The following PIP5K1B variants were observed in gnomAD, a reference collection of about 807,000 sequenced individuals.
The protein encoded by PIP5K1B is phosphatidylinositol-4-phosphate 5-kinase type 1 beta.
Under a neutral mutation model 67.0 loss-of-function variants are expected in PIP5K1B, and 42 were observed. The ratio of observed to expected loss-of-function variants is 0.63; its 90% confidence interval spans 0.49 to 0.81. The LOEUF (loss-of-function observed/expected upper bound fraction) is 0.81. Ranked by LOEUF, PIP5K1B falls within the 30% of genes least tolerant of loss-of-function variation. The pLI is 0.00. For synonymous variants in PIP5K1B, 214 were observed against 231.4 expected (o/e 0.92, Z 0.68); for missense variants, 459 against 646.3 (o/e 0.71, Z 3.14).
intron 14 of PIP5K1B, among the ~76,000 whole-genome samples, chr9:68,973,368 A>G (rs938519835): frequency 2.0e-5 from 3 of 152,376 alleles, no homozygotes; most frequent in East Asian, 3.9e-4. Flanking sequence ...AGCCATTAAG[A>G]AATTTTATGT....
chr9:68,799,858 A>G (rs1832504901), intron 2 of PIP5K1B, among the ~76,000 whole-genome samples: 1 of 152,232 alleles, frequency 6.6e-6, no homozygotes, highest in Non-Finnish European at 1.5e-5. Flanking sequence ...CCAAAATCAC[A>G]GGCAACAAGA....
At chr9:68,738,701 G>C (rs1012192092) in intron 1 of PIP5K1B, among the ~76,000 whole-genome samples, 1 of 152,130 alleles carries the variant, frequency 6.6e-6, no homozygotes, top group Admixed American at 6.5e-5. Flanking sequence ...CTTTTAAATG[G>C]ACCCTTCCAC....
intron 14 of PIP5K1B, among the ~76,000 whole-genome samples, chr9:68,955,672 G>A (rs1255998229): frequency 6.6e-6 from 1 of 152,198 alleles, no homozygotes; most frequent in African/African-American, 2.4e-5. Context: ...CTGAGAGCTG[G>A]CCTCGGGTTA....
rs777496840 is a variant in PIP5K1B at position 68,917,729 on chromosome 9, G to GAGATGGGA, written c.954_961dup (p.Ile321LysfsTer4). 2 of 1,614,092 alleles carry GAGATGGGA rather than the reference G, an allele frequency of 1.2e-6. No homozygotes were observed. The highest frequency in any genetic ancestry group is 3.3e-5 in the Admixed American group (2 of 60,016). On this transcript the variant is annotated frameshift_variant, in exon 9 of 16. Coordinates refer to ENST00000265382, the MANE Select transcript of PIP5K1B (RefSeq NM_003558.4). LOFTEE classifies it high-confidence loss of function. ...TCTATCCAGGGTCCAGGGAAATCTGGAGATGGGATAATCACAGAGAACCCA... is the reference window on the plus strand; with the variant it reads ...TCTATCCAGGGTCCAGGGAAATCTGGAGATGGGAAGATGGGATAATCACAGAGAACCCA...
chr9:68,814,370 C>T (rs1461078185), intron 2 of PIP5K1B, among the ~76,000 whole-genome samples: 1 of 152,072 alleles, frequency 6.6e-6, no homozygotes, highest in Non-Finnish European at 1.5e-5. Context: ...ATAGTAACAA[C>T]AAATGTAATT....
At chr9:68,967,608 C>T (rs1829103575) in intron 14 of PIP5K1B, among the ~76,000 whole-genome samples, 1 of 152,170 alleles carries the variant, frequency 6.6e-6, no homozygotes, top group Admixed American at 6.5e-5. Flanking sequence ...TTTATCGAGC[C>T]TCTACCCTCT....
chr9:68,718,517 A>C (rs1827734356), intron 1 of PIP5K1B, among the ~76,000 whole-genome samples: 1 of 152,190 alleles, frequency 6.6e-6, no homozygotes, highest in Non-Finnish European at 1.5e-5. Flanking sequence ...TGAAGCACAA[A>C]ATTGAAGGGG....
chr9:68,769,868 T>C (rs1346185879), intron 2 of PIP5K1B, among the ~76,000 whole-genome samples: 1 of 152,242 alleles, frequency 6.6e-6, no homozygotes, highest in African/African-American at 2.4e-5. Flanking sequence ...GGCACCCAGT[T>C]GGAACTTGAA....
chr9:68,855,512 A>G (rs1447948490), intron 4 of PIP5K1B, among the ~76,000 whole-genome samples: 1 of 152,232 alleles, frequency 6.6e-6, no homozygotes, highest in African/African-American at 2.4e-5. Flanking sequence ...GCTCCAAAAT[A>G]GGTACCATCT....
At position 68,948,310 on chromosome 9, in the gene PIP5K1B, C is replaced by T. The variant is rs62569166; in HGVS notation, c.1502+7520C>T. 7.7e-3 allele frequency among the ~76,000 whole-genome samples: 1,172 copies of T among 152,284 alleles called. 4 individuals are homozygous for T. The highest frequency in any genetic ancestry group is 0.02 in the South Asian group (98 of 4,826). ...AACCTGAGTGGTGTCACATCTCTCT[C>T]CAGTTGTGGCTGAGGCACATGCTGA... is the stretch of plus-strand genomic sequence containing the variant. On this transcript the variant is annotated intron_variant, in intron 14 of 15. Coordinates refer to ENST00000265382, the MANE Select transcript of PIP5K1B (RefSeq NM_003558.4).
At chr9:68,711,096 G>A (rs923053200) in intron 1 of PIP5K1B, among the ~76,000 whole-genome samples, 5 of 152,176 alleles carry the variant, frequency 3.3e-5, no homozygotes, top group South Asian at 2.1e-4. Flanking sequence ...AAGAGAAAAG[G>A]TGATATTTAA....
chr9:68,726,958 T>C lies in PIP5K1B; in HGVS notation c.-242-15543T>C, dbSNP rs548758640. Among the ~76,000 whole-genome samples, 26 of 152,262 alleles carry C rather than the reference T, an allele frequency of 1.7e-4. No individual in the cohort carries two copies. The South Asian group carries it at 4.8e-3, about 28-fold the overall frequency. ...TGATTTTTGGTAAGGTGCTAAACTC[T>C]TGTATTGATTCTAGTAAAGTTGTTG... is the stretch of plus-strand genomic sequence containing the variant. On this transcript the variant is annotated intron_variant, in intron 1 of 15. Transcript: ENST00000265382.
chr9:68,925,795 A>ATTTTTTTTTTTTTTC (rs1554739082), intron 12 of PIP5K1B, among the ~76,000 whole-genome samples: 6 of 73,278 alleles, frequency 8.2e-5, no homozygotes, highest in African/African-American at 3.4e-4. Context: ...TGTGGTTCCA[A>ATTTTTTTTTTTTTTC]TTTTTTTTTT....
chr9:68,716,961 G>A (rs949741236), intron 1 of PIP5K1B, among the ~76,000 whole-genome samples: 3 of 152,266 alleles, frequency 2.0e-5, no homozygotes, highest in Middle Eastern at 3.4e-3. Context: ...CCTGGAGGCC[G>A]TTATCCTAAG....
chr9:68,757,580 C>G (rs532951921), intron 2 of PIP5K1B, among the ~76,000 whole-genome samples: 23 of 152,146 alleles, frequency 1.5e-4, no homozygotes, highest in Non-Finnish European at 8.8e-5. Context: ...TACTCCTGCT[C>G]TCTCTCGTAA....
At chr9:69,005,628 C>G (rs1387266234) in intron 15 of PIP5K1B, among the ~76,000 whole-genome samples, 1 of 152,118 alleles carries the variant, frequency 6.6e-6, no homozygotes, top group African/African-American at 2.4e-5. Flanking sequence ...ATCCGCCTGC[C>G]TCGGCCTCCC....
intron 15 of PIP5K1B, among the ~76,000 whole-genome samples, chr9:68,998,027 A>C (rs1187951400): frequency 2.0e-5 from 3 of 149,368 alleles, no homozygotes; most frequent in African/African-American, 7.4e-5. Flanking sequence ...CTTGCAGGCT[A>C]GCTTGATTTC....
At chr9:68,859,741 T>G (rs970830875) in intron 4 of PIP5K1B, among the ~76,000 whole-genome samples, 1 of 152,172 alleles carries the variant, frequency 6.6e-6, no homozygotes, top group Non-Finnish European at 1.5e-5. Flanking sequence ...TCACCAACAC[T>G]TCACACAGAA....
intron 4 of PIP5K1B, among the ~76,000 whole-genome samples, chr9:68,848,455 A>G (rs566920398): frequency 6.6e-6 from 1 of 152,320 alleles, no homozygotes; most frequent in Non-Finnish European, 1.5e-5. Flanking sequence ...AGCTGCTGTT[A>G]CATGTTCCTC....
Sources: gnomAD v4.1 joint callset for allele counts (sites outside exome capture counted in the v4.1 genomes callset) on GRCh38, gnomAD v4.1.1 for gene constraint, MANE v1.5 for transcripts, NCBI Gene and HGNC (gene_info 2026-07-23, HGNC 2026-07-21) for gene names.